The following FBN2 variants were observed in gnomAD, a reference collection of about 807,000 sequenced individuals.
The protein encoded by FBN2 is fibrillin 2.
A neutral mutation model predicts 355.6 loss-of-function variants in FBN2; 105 were observed. The ratio of observed to expected loss-of-function variants is 0.30; its 90% confidence interval spans 0.25 to 0.35. The LOEUF (loss-of-function observed/expected upper bound fraction) is 0.35. Ranked by LOEUF, FBN2 falls within the 10% of genes least tolerant of loss-of-function variation. The pLI, the probability that FBN2 is intolerant of heterozygous loss-of-function variation, is 1.00. For synonymous variants in FBN2, 1,350 were observed against 1,301.2 expected (o/e 1.04, Z -0.81); for missense variants, 3,280 against 3,758.7 (o/e 0.87, Z 3.33).
At chr5:128,366,739 CT>C (rs34683774) in intron 16 of FBN2, among the ~76,000 whole-genome samples, 1 of 152,006 alleles carries the variant, frequency 6.6e-6, no homozygotes, top group African/African-American at 2.4e-5. Flanking sequence ...TGATATTTAA[CT>C]TTTTTTCCTC....
chr5:128,261,278 T>C (rs1411030943), intron 64 of FBN2, among the ~76,000 whole-genome samples: 3 of 152,214 alleles, frequency 2.0e-5, no homozygotes, highest in Non-Finnish European at 4.4e-5. Context: ...TACAAGTGAT[T>C]TGGAAGACAA....
At position 128,374,682 on chromosome 5, in the gene FBN2, G is replaced by T; in HGVS notation, c.2041C>A (p.Arg681Ser). ...GCCAGGCCTGGGGGACAGTCACAGC[G>T]GAAGGACCCTTCACTGTTGATGCAG... ...GHCINSEGSF[R>S]CDCPPGLAVG... The change falls in exon 15 of 65, where the codon CGC becomes AGC. Residue 681 changes from arginine (R) to serine (S), a missense_variant. Around this residue, in one of 6 missense-constraint regions of FBN2, gnomAD observed 2,284 missense variants for 2,749.5 expected, o/e 0.83. Transcript: ENST00000262464. 3 of 1,613,952 alleles carry T rather than the reference G, an allele frequency of 1.9e-6. No homozygotes were observed. The highest frequency in any genetic ancestry group is 1.7e-6 in the Non-Finnish European group (2 of 1,179,922).
intron 5 of FBN2, among the ~76,000 whole-genome samples, chr5:128,470,969 T>C (rs932970649): frequency 6.6e-6 from 1 of 151,912 alleles, no homozygotes; most frequent in African/African-American, 2.4e-5. Flanking sequence ...CCATAAGGTA[T>C]CATTATCACT....
chr5:128,300,768 C>T, intron 48 of FBN2, 49 bp downstream of exon 48: 1 of 1,601,456 alleles, frequency 6.2e-7, no homozygotes, highest in Non-Finnish European at 8.6e-7. Flanking sequence ...TTTACCATGT[C>T]TTACTATACT....
intron 8 of FBN2, among the ~76,000 whole-genome samples, chr5:128,401,737 C>G (rs771841355): frequency 6.6e-6 from 1 of 152,132 alleles, no homozygotes; most frequent in Non-Finnish European, 1.5e-5. Context: ...GCCGATATCA[C>G]GCCACTGCAC....
At chr5:128,320,511 A>G (rs1750340221) in intron 34 of FBN2, among the ~76,000 whole-genome samples, 1 of 152,156 alleles carries the variant, frequency 6.6e-6, no homozygotes. Flanking sequence ...ACCATGCCCG[A>G]TCCATTTTAC....
At chr5:128,532,916 C>T (rs1291023347) in intron 2 of FBN2, among the ~76,000 whole-genome samples, 2 of 151,996 alleles carry the variant, frequency 1.3e-5, no homozygotes, top group African/African-American at 4.8e-5. Context: ...GGCATGTGCC[C>T]ATAGTCCCAG....
At chr5:128,382,359 T>G (rs1473845646) in intron 11 of FBN2, among the ~76,000 whole-genome samples, 1 of 152,064 alleles carries the variant, frequency 6.6e-6, no homozygotes, top group African/African-American at 2.4e-5. Flanking sequence ...TAGAACGAGG[T>G]GCGTCTGAGT....
At position 128,274,585 on chromosome 5, in the gene FBN2, G is replaced by A. The variant is rs1765342729; in HGVS notation, c.7693C>T (p.His2565Tyr). The change falls in exon 60 of 65, where the codon CAT (histidine) becomes TAT (tyrosine). Residue 2565 changes from histidine to tyrosine, a missense_variant. Physicochemically the swap from His to Tyr is moderately conservative, Grantham distance 83 (BLOSUM62 2). Coordinates refer to ENST00000262464, the MANE Select transcript of FBN2 (RefSeq NM_001999.4). The stretch of plus-strand genomic sequence containing the variant: ...GTCTTACCGATACAAGCAGTGTGAT[G>A]CTGTGTGAAACCAGGTGGACATTTA... ...TCKCPPGFTQ[H>Y]HTACIDNNEC... 1.9e-6 allele frequency: 3 copies of A among 1,604,078 alleles called. No homozygotes were observed. Among genetic ancestry groups the A allele is most frequent in the East Asian group, 2.2e-5 (1 of 44,816 alleles).
chr5:128,324,778 C>T lies in FBN2; in HGVS notation c.4471+3918G>A, dbSNP rs189411219. On this transcript the variant is annotated intron_variant, in intron 34 of 64. Coordinates refer to ENST00000262464, the MANE Select transcript of FBN2 (RefSeq NM_001999.4). ...GACTACAGGTGCCCGGCATCATGCC[C>T]GGCTAACTTTTTTTGTATTTTTAGT... Among the ~76,000 whole-genome samples, 164 of 152,078 alleles carry T rather than the reference C, an allele frequency of 1.1e-3. 1 individual carries two copies. The highest frequency in any genetic ancestry group is 2.4e-3 in the Admixed American group (37 of 15,266).
intron 7 of FBN2, among the ~76,000 whole-genome samples, chr5:128,409,290 A>G (rs115999707): frequency 6.6e-6 from 1 of 152,126 alleles, no homozygotes; most frequent in Non-Finnish European, 1.5e-5. Context: ...ACATTTGAAT[A>G]TGGGAGTATT....
At chr5:128,478,373 G>A (rs1755060874) in intron 5 of FBN2, among the ~76,000 whole-genome samples, 1 of 152,132 alleles carries the variant, frequency 6.6e-6, no homozygotes, top group Admixed American at 6.6e-5. Flanking sequence ...CCCTAGATGA[G>A]GCATGTATAA....
intron 20 of FBN2, among the ~76,000 whole-genome samples, chr5:128,355,405 T>C (rs1316357208): frequency 1.3e-5 from 2 of 152,202 alleles, no homozygotes; most frequent in African/African-American, 4.8e-5. Flanking sequence ...CAGAACACCA[T>C]AGTCTTTTTA....
intron 55 of FBN2, among the ~76,000 whole-genome samples, chr5:128,282,010 A>G (rs1030468905): frequency 4.6e-5 from 7 of 152,190 alleles, no homozygotes; most frequent in South Asian, 2.1e-4. Flanking sequence ...TAAGAGGGCT[A>G]TAAGTATTCT....
chr5:128,319,139 A>T (rs1750296489), intron 34 of FBN2, 138 bp from the exon 35 acceptor site: 1 of 671,518 alleles, frequency 1.5e-6, no homozygotes, highest in Non-Finnish European at 2.6e-6. Flanking sequence ...TTTTTTGGCT[A>T]GGTAGATAAG....
At chr5:128,317,445 C>T (rs395456) in intron 36 of FBN2, among the ~76,000 whole-genome samples, 72,710 of 151,460 alleles carry the variant, frequency 0.48, 18,086 homozygotes, top group East Asian at 0.8. Context: ...GTATAAATCA[C>T]AGCAGCAAAT....
intron 7 of FBN2, among the ~76,000 whole-genome samples, chr5:128,413,092 G>A (rs1046948439): frequency 6.6e-6 from 1 of 152,202 alleles, no homozygotes; most frequent in African/African-American, 2.4e-5. Context: ...TTGATCCTGG[G>A]ATGTTTGAGA....
chr5:128,434,394 G>GTATATATA lies in FBN2; in HGVS notation c.952+12079_952+12086dup, dbSNP rs6149234. Among the ~76,000 whole-genome samples the GTATATATA allele has an allele frequency of 5.4e-3, 494 of 91,628 alleles. 13 individuals carry two copies. In the East Asian group the frequency reaches 0.065, roughly 12 times the overall value. 60.1% of individuals were successfully genotyped at this position (91,628 alleles called of 152,430 possible). On this transcript the variant is annotated intron_variant, in intron 7 of 64. Transcript: ENST00000262464. ...CAATGCCTGGCAGTGAATAAAGTGT[G>GTATATATA]TATATATATATATATATATATATAT...
At chr5:128,323,136 A>G (rs946709334) in intron 34 of FBN2, among the ~76,000 whole-genome samples, 1 of 152,196 alleles carries the variant, frequency 6.6e-6, no homozygotes, top group Non-Finnish European at 1.5e-5. Context: ...GAAATTGCTT[A>G]TCAGCTTTAG....
Sources: gnomAD v4.1 joint callset for allele counts (sites outside exome capture counted in the v4.1 genomes callset) on GRCh38, gnomAD v4.1.1 for gene constraint, gnomAD v4.1.1 regional missense constraint, MANE v1.5 for transcripts, NCBI Gene and HGNC (gene_info 2026-07-23, HGNC 2026-07-21) for gene names.